Variants in LUZP2 observed in about 807,000 individuals in gnomAD.
LUZP2 encodes the protein leucine zipper protein 2.
LUZP2 carries 52 observed loss-of-function variants against 51.6 expected under a neutral mutation model. The ratio of observed to expected loss-of-function variants is 1.01; its 90% CI spans 0.81 to 1.27. The LOEUF is 1.27. LUZP2 is among the 50% of genes most tolerant of loss of function. LUZP2 has a pLI of 0.00. For synonymous variants in LUZP2, 154 were observed against 137.3 expected, an observed-to-expected ratio of 1.12 and a Z score of -0.85; for missense variants, 436 against 395.4, an observed-to-expected ratio of 1.10 and a Z score of -0.87.
chr11:24,658,180 C>T lies in LUZP2; in HGVS notation c.63-70989C>T, dbSNP rs202242358. Among the ~76,000 whole-genome samples, 15 of 152,278 alleles carry T rather than the reference C, an allele frequency of 9.9e-5. No individual in the cohort carries two copies. The East Asian group carries it at 2.9e-3, about 29-fold the overall frequency. On this transcript the variant is annotated intron_variant, in intron 1 of 11. Coordinates refer to ENST00000336930, the MANE Select transcript of LUZP2 (RefSeq NM_001009909.4). ...CGCTACCTGACTTCAAACTATGCTA[C>T]AAGGCTACAGTAACCAAACCAGCAT... is the stretch of plus-strand genomic sequence containing the variant.
Position 24,611,583 on chromosome 11 carries a change from A to G in LUZP2, c.62+114278A>G, listed in dbSNP as rs1854123763. Among the ~76,000 whole-genome samples the G allele has an allele frequency of 6.6e-6, 1 of 152,202 alleles. No individual in the cohort carries two copies. Among genetic ancestry groups the G allele is most frequent in the African/African-American group, 2.4e-5 (1 of 41,500 alleles). On this transcript the variant is annotated intron_variant, in intron 1 of 11. Transcript: ENST00000336930. The surrounding 1 kb of genome is among the most constrained non-coding windows in gnomAD (Gnocchi z 4.6). ...GGGTGGAAAGGGAGGCAGTTACTGG[A>G]AAGTAAAAATGGAACTTACGAGACT...
At chr11:24,534,446 C>A (rs894427590) in intron 1 of LUZP2, among the ~76,000 whole-genome samples, 54 of 140,332 alleles carry the variant, frequency 3.8e-4, no homozygotes, top group African/African-American at 1.5e-3. Flanking sequence ...ATTTCTCTAT[C>A]TAGAAAGATA....
intron 10 of LUZP2, among the ~76,000 whole-genome samples, chr11:25,050,666 G>A (rs1858480836): frequency 6.6e-6 from 1 of 152,060 alleles, no homozygotes; most frequent in Admixed American, 6.5e-5. Flanking sequence ...TAGATTCTTA[G>A]GACAACTGTG....
intron 1 of LUZP2, among the ~76,000 whole-genome samples, chr11:24,522,656 A>G (rs768912806): frequency 6.6e-6 from 1 of 152,024 alleles, no homozygotes; most frequent in Non-Finnish European, 1.5e-5. Context: ...CTTATTGCCA[A>G]TCCTAAAGCA....
intron 5 of LUZP2, among the ~76,000 whole-genome samples, chr11:24,792,700 C>T (rs906279207): frequency 3.9e-5 from 6 of 152,092 alleles, no homozygotes; most frequent in Non-Finnish European, 8.8e-5. Context: ...CCAGTTATAC[C>T]ACTAAACAAA....
chr11:25,057,924 G>T (rs187422123), intron 10 of LUZP2, among the ~76,000 whole-genome samples: 1 of 152,174 alleles, frequency 6.6e-6, no homozygotes, highest in East Asian at 1.9e-4. Context: ...GACAATTTTG[G>T]CTGAGATATA....
chr11:24,652,928 C>T (rs552996087), intron 1 of LUZP2, among the ~76,000 whole-genome samples: 26 of 151,834 alleles, frequency 1.7e-4, no homozygotes, highest in Non-Finnish European at 2.6e-4. Flanking sequence ...ATTTAAGTAA[C>T]CTTTATTGGA....
intron 5 of LUZP2, among the ~76,000 whole-genome samples, chr11:24,788,249 G>A (rs763970263): frequency 7.5e-6 from 1 of 133,302 alleles, no homozygotes; most frequent in Non-Finnish European, 1.5e-5. Context: ...GAGTGCAGTG[G>A]CACAATCTCG....
rs571749630 is a variant in LUZP2, at chr11:25,080,561, T to G, written c.*1903T>G. ...TAGGATAAAATAAAAGATGAAGGTC[T>G]GAGGTTTCTTCTGACTCCTTCATAT... On this transcript the variant is annotated 3_prime_UTR_variant, in exon 12 of 12. Transcript: ENST00000336930. 5.3e-5 allele frequency: 8 copies of G among 152,314 alleles called. No individual in the cohort carries two copies. Among genetic ancestry groups the G allele is most frequent in the Admixed American group, 2.6e-4 (4 of 15,298 alleles). 9.4% of individuals were successfully genotyped at this position (152,314 alleles called of 1,614,324 possible). A position where few individuals can be genotyped will look rare whatever the true frequency, so the allele number is the denominator to read the frequency against.
At chr11:24,991,559 G>A (rs886514021) in intron 9 of LUZP2, among the ~76,000 whole-genome samples, 5 of 151,448 alleles carry the variant, frequency 3.3e-5, no homozygotes, top group Non-Finnish European at 7.4e-5. Context: ...TTCATTTAAT[G>A]ACTTTTTTCC....
intron 10 of LUZP2, among the ~76,000 whole-genome samples, chr11:25,052,399 TAGGTA>T (rs1858542969): frequency 6.6e-6 from 1 of 152,126 alleles, no homozygotes. Flanking sequence ...AGCACCTCAG[TAGGTA>T]AGGTCTAGAC....
chr11:24,550,750 C>T (rs1004700436), intron 1 of LUZP2, among the ~76,000 whole-genome samples: 2 of 152,018 alleles, frequency 1.3e-5, no homozygotes, highest in Admixed American at 1.3e-4. Flanking sequence ...GAACATTGAC[C>T]TTCCAAATGG....
At chr11:24,786,327 G>T in intron 5 of LUZP2, 2 of 981,904 alleles carry the variant, frequency 2.0e-6, no homozygotes, top group Non-Finnish European at 2.4e-6. Flanking sequence ...CGGGAAAAAA[G>T]TAGTCAGAAT....
At chr11:24,966,371 C>G (rs1470698423) in intron 7 of LUZP2, among the ~76,000 whole-genome samples, 6 of 151,028 alleles carry the variant, frequency 4.0e-5, no homozygotes, top group Admixed American at 6.6e-5. Flanking sequence ...TTCATTCTCT[C>G]TGTAGTGTCT....
chr11:24,734,302 AG>A lies in LUZP2; in HGVS notation c.251+2115del, dbSNP rs1168973643. 2.6e-5 allele frequency among the ~76,000 whole-genome samples: 4 copies of A among 151,754 alleles called. 1 individual carries two copies. In the South Asian group the frequency reaches 8.3e-4, roughly 31 times the overall value. Reference sequence around the variant, plus strand: ...GATGTGAATGAAAACCTATTCTCTTAGTTTGTTGATATTTTTTTAAAATATC... The same window carrying A: ...GATGTGAATGAAAACCTATTCTCTTATTTGTTGATATTTTTTTAAAATATC... On this transcript the variant is annotated intron_variant, in intron 3 of 11. Coordinates refer to ENST00000336930, the MANE Select transcript of LUZP2 (RefSeq NM_001009909.4).
intron 5 of LUZP2, among the ~76,000 whole-genome samples, chr11:24,781,155 A>G (rs1021075755): frequency 6.6e-6 from 1 of 151,982 alleles, no homozygotes; most frequent in African/African-American, 2.4e-5. Flanking sequence ...TCTTATTTTT[A>G]TTTCATTATA....
intron 5 of LUZP2, among the ~76,000 whole-genome samples, chr11:24,895,680 G>A (rs1590701050): frequency 6.6e-6 from 1 of 152,304 alleles, no homozygotes; most frequent in Non-Finnish European, 1.5e-5. Context: ...TGCTGCAAAG[G>A]ACAAGACTTC....
At chr11:24,959,175 A>T (rs2133875498) in intron 7 of LUZP2, among the ~76,000 whole-genome samples, 1 of 152,194 alleles carries the variant, frequency 6.6e-6, no homozygotes, top group African/African-American at 2.4e-5. Context: ...GTATAGTTTG[A>T]AGTCAGGTAG....
intron 1 of LUZP2, among the ~76,000 whole-genome samples, chr11:24,547,723 G>A (rs548955841): frequency 1.8e-3 from 281 of 151,962 alleles, no homozygotes; most frequent in African/African-American, 6.5e-3. Context: ...TTACAAGTGC[G>A]GCCTAATTAA....
Sources: gnomAD v4.1 joint callset for allele counts (sites outside exome capture counted in the v4.1 genomes callset) on GRCh38, gnomAD v4.1.1 for gene constraint, Gnocchi (gnomAD v3.1) non-coding constraint, MANE v1.5 for transcripts, NCBI Gene and HGNC (gene_info 2026-07-23, HGNC 2026-07-21) for gene names.